RBFOX1: variants seen among roughly 807,000 people sequenced by gnomAD.
RBFOX1 encodes the protein RNA binding protein fox-1 homolog 1.
RBFOX1 carries 8 observed loss-of-function variants against 57.7 expected under a neutral mutation model. That is an observed-to-expected ratio of 0.14 (90% CI 0.08 to 0.25). The LOEUF (loss-of-function observed/expected upper bound fraction) is 0.25. Among genes scored for constraint, RBFOX1 ranks in the 10% least tolerant of loss-of-function variants. RBFOX1 has a pLI of 1.00. For missense variants in RBFOX1, 611 were observed against 548.5 expected (o/e 1.11, Z -1.14); for synonymous variants, 326 against 222.4 (o/e 1.47, Z -4.15).
intron 6 of RBFOX1, 30 bp from the exon 7 acceptor site, chr16:7,587,217 T>A (rs745738130): frequency 6.7e-7 from 1 of 1,503,480 alleles, no homozygotes; most frequent in South Asian, 1.4e-5. Flanking sequence ...TTTCTCTTCT[T>A]GCTTATAAGA....
intron 4 of RBFOX1, among the ~76,000 whole-genome samples, chr16:7,253,219 C>A (rs1186865028): frequency 6.6e-6 from 1 of 152,180 alleles, no homozygotes; most frequent in Non-Finnish European, 1.5e-5. Flanking sequence ...ACCTGTGGTT[C>A]ATAGTGGCTT....
intron 2 of RBFOX1, among the ~76,000 whole-genome samples, chr16:6,418,708 TA>T (rs2093694133): frequency 6.6e-6 from 1 of 152,006 alleles, no homozygotes; most frequent in African/African-American, 2.4e-5. Context: ...GTAAAATTTT[TA>T]TAGAGATGGG....
At chr16:5,838,264 C>A in intron 3 of RBFOX1, 1 of 227,384 alleles carries the variant, frequency 4.4e-6, no homozygotes, top group Non-Finnish European at 9.3e-6. Flanking sequence ...TTCCAGGTGA[C>A]AACAGCTCCT....
chr16:7,316,811 C>A (rs1369331609), intron 4 of RBFOX1, among the ~76,000 whole-genome samples: 1 of 151,982 alleles, frequency 6.6e-6, no homozygotes, highest in Non-Finnish European at 1.5e-5. Context: ...GTGCCTGTTG[C>A]TTGCCTAGGT....
At chr16:6,730,469 C>T (rs1461869921) in intron 3 of RBFOX1, among the ~76,000 whole-genome samples, 1 of 152,166 alleles carries the variant, frequency 6.6e-6, no homozygotes, top group African/African-American at 2.4e-5. Flanking sequence ...ATCTATCCAT[C>T]TATCTAATTA....
At chr16:5,987,411 T>A (rs2060305034) in intron 4 of RBFOX1, among the ~76,000 whole-genome samples, 2 of 152,378 alleles carry the variant, frequency 1.3e-5, no homozygotes, top group Middle Eastern at 3.4e-3. Flanking sequence ...TATGAATTTT[T>A]AAAAATGGAT....
At chr16:5,596,378 GC>G (rs1005715667) in intron 2 of RBFOX1, among the ~76,000 whole-genome samples, 1 of 152,182 alleles carries the variant, frequency 6.6e-6, no homozygotes, top group Non-Finnish European at 1.5e-5. Context: ...TTGCTACGAA[GC>G]CAATACTGGC....
At chr16:6,460,618 A>G (rs1450505175) in intron 2 of RBFOX1, among the ~76,000 whole-genome samples, 1 of 152,216 alleles carries the variant, frequency 6.6e-6, no homozygotes, top group Admixed American at 6.5e-5. Context: ...GAGCTTGTAG[A>G]TAAATAGGAA....
rs1027028443 is a variant in RBFOX1, at chr16:7,455,607, C to T, written c.28-62540C>T. ...AAGAGTTCGAGACCAGCCTAGGCAA[C>T]GTGGTGAAATCCCATCTCTACTGAA... is the stretch of plus-strand genomic sequence containing the variant. On this transcript the variant is annotated intron_variant, in intron 4 of 15. Coordinates refer to ENST00000550418, the MANE Select transcript of RBFOX1 (RefSeq NM_018723.4). Among the ~76,000 whole-genome samples the T allele has an allele frequency of 1.7e-4, 26 of 151,146 alleles. No individual in the cohort carries two copies. The East Asian group carries it at 1.9e-3, about 11-fold the overall frequency.
At chr16:7,398,217 C>G (rs2098174588) in intron 4 of RBFOX1, among the ~76,000 whole-genome samples, 1 of 152,212 alleles carries the variant, frequency 6.6e-6, no homozygotes, top group Non-Finnish European at 1.5e-5. Flanking sequence ...GCATCAGTAT[C>G]ATTGCCTGAC....
chr16:6,513,896 G>A (rs576998557), intron 2 of RBFOX1, among the ~76,000 whole-genome samples: 3 of 152,142 alleles, frequency 2.0e-5, no homozygotes, highest in African/African-American at 4.8e-5. Flanking sequence ...CTGAGGGGGC[G>A]TCAGGCTGAA....
chr16:6,379,871 C>G (rs1234155211), intron 2 of RBFOX1, among the ~76,000 whole-genome samples: 1 of 152,014 alleles, frequency 6.6e-6, no homozygotes, highest in East Asian at 1.9e-4. Context: ...AGAGAAGGTT[C>G]ATGGGATGGG....
At chr16:5,765,775 G>C (rs2053755332) in intron 3 of RBFOX1, among the ~76,000 whole-genome samples, 1 of 152,172 alleles carries the variant, frequency 6.6e-6, no homozygotes, top group Non-Finnish European at 1.5e-5. Context: ...TTTGGATATG[G>C]GCTCTGGCTT....
chr16:7,676,092 T>C (rs1213883021), intron 13 of RBFOX1, among the ~76,000 whole-genome samples: 2 of 152,250 alleles, frequency 1.3e-5, no homozygotes, highest in African/African-American at 4.8e-5. Flanking sequence ...AATGATTTTA[T>C]TTACAAATTA....
intron 3 of RBFOX1, among the ~76,000 whole-genome samples, chr16:7,013,056 A>G (rs139518378): frequency 8.9e-4 from 136 of 152,246 alleles, no homozygotes; most frequent in African/African-American, 3.2e-3. Context: ...TAAGGGCAGT[A>G]ATCCCCTTAT....
At chr16:6,245,522 A>T (rs1255921387) in intron 1 of RBFOX1, among the ~76,000 whole-genome samples, 1 of 152,204 alleles carries the variant, frequency 6.6e-6, no homozygotes, top group African/African-American at 2.4e-5. Context: ...CTCTAGGGAT[A>T]CCACGGTCTG....
chr16:5,954,390 C>T (rs933702715), intron 4 of RBFOX1, among the ~76,000 whole-genome samples: 3 of 151,932 alleles, frequency 2.0e-5, no homozygotes, highest in Admixed American at 2.0e-4. Flanking sequence ...TCTTTCGCCA[C>T]CACCGCTGGA....
rs117269580 is a variant in RBFOX1 at position 5,886,759 on chromosome 16, A to G, written c.351+19424A>G. Reference sequence around the variant, plus strand: ...AAAAATTAGCTCTGTGTAGTGGCAGATGCCTGTAATCCCAGCTACTTGGGA... The same window carrying G: ...AAAAATTAGCTCTGTGTAGTGGCAGGTGCCTGTAATCCCAGCTACTTGGGA... On this transcript the variant is annotated intron_variant, in intron 4 of 19. Coordinates refer to the RBFOX1 transcript ENST00000641259. Among the ~76,000 whole-genome samples the G allele has an allele frequency of 1.0e-2, 1,520 of 152,284 alleles. 8 individuals carry two copies. The highest frequency in any genetic ancestry group is 0.014 in the Non-Finnish European group (956 of 68,024).
At chr16:6,167,139 G>A (rs571676431) in intron 1 of RBFOX1, among the ~76,000 whole-genome samples, 38 of 152,310 alleles carry the variant, frequency 2.5e-4, no homozygotes, top group East Asian at 1.4e-3. Context: ...GAATAGTGGC[G>A]TTGTGTTGCT....
Sources: gnomAD v4.1 joint callset for allele counts (sites outside exome capture counted in the v4.1 genomes callset) on GRCh38, gnomAD v4.1.1 for gene constraint, MANE v1.5 for transcripts, NCBI Gene and HGNC (gene_info 2026-07-23, HGNC 2026-07-21) for gene names.